Variants in RPRD2 observed in about 807,000 individuals in gnomAD.
RPRD2 encodes regulation of nuclear pre-mRNA domain containing 2.
RPRD2 carries 12 observed loss-of-function variants against 104.4 expected under a neutral mutation model. The observed-to-expected ratio is 0.11, with a 90% CI of 0.07 to 0.19. RPRD2 has a LOEUF of 0.19. Ranked by LOEUF, RPRD2 falls within the 10% of genes least tolerant of loss-of-function variation. RPRD2 has a pLI of 1.00. For synonymous variants in RPRD2, 714 were observed against 684.9 expected (o/e 1.04, Z -0.66); for missense variants, 1,543 against 1,790.1 (o/e 0.86, Z 2.49).
In RPRD2 at chr1:150,398,447, T is replaced by C. The variant is rs587669340; in HGVS notation, c.206-19149T>C. Among the ~76,000 whole-genome samples the C allele has an allele frequency of 5.6e-4, 85 of 151,982 alleles. 1 individual carries two copies. In the South Asian group the frequency reaches 7.9e-3, roughly 14 times the overall value. On this transcript the variant is annotated intron_variant, in intron 1 of 10. Transcript: ENST00000369068. ...TCCTGACCTCGTGATCTGCCCACCT[T>C]GGCCTCCCAAAGTGCTGGGATTACA... is the stretch of plus-strand genomic sequence containing the variant.
At chr1:150,441,992 C>A (rs1374762064) in intron 4 of RPRD2, 34 bp downstream of exon 4, 1 of 1,491,698 alleles carries the variant, frequency 6.7e-7, no homozygotes, top group Non-Finnish European at 9.3e-7. Context: ...TATAAAATTA[C>A]CTCCTCTTTT....
At chr1:150,453,372 C>G (rs1398328064) in intron 7 of RPRD2, among the ~76,000 whole-genome samples, 5 of 152,138 alleles carry the variant, frequency 3.3e-5, no homozygotes, top group African/African-American at 4.8e-5. Flanking sequence ...TCTCCCAGCA[C>G]TTCCATCTCT....
At chr1:150,446,157 A>G (rs1260798332) in intron 6 of RPRD2, 69 bp from the exon 7 acceptor site, 20 of 1,169,190 alleles carry the variant, frequency 1.7e-5, no homozygotes, top group Non-Finnish European at 2.4e-5. Flanking sequence ...GTTTTCTTCA[A>G]AAGTCAAAAG....
intron 2 of RPRD2, among the ~76,000 whole-genome samples, chr1:150,436,328 A>G (rs1046996445): frequency 2.0e-5 from 3 of 152,206 alleles, no homozygotes; most frequent in Non-Finnish European, 2.9e-5. Flanking sequence ...CCGGCCGGGC[A>G]TGGTGGCTCA....
rs377383557 is a variant in RPRD2, at chr1:150,450,166, AT to A, written c.870+3767del. ...TTTATTCATCTTTTTAAATCTCACC[AT>A]TATGAAAGATCTTAAGTCCAGTATG... On this transcript the variant is annotated intron_variant, in intron 7 of 10. Transcript: ENST00000369068. Among the ~76,000 whole-genome samples the A allele has an allele frequency of 5.5e-4, 84 of 152,292 alleles. 1 individual carries two copies. The highest frequency in any genetic ancestry group is 1.9e-3 in the African/African-American group (81 of 41,546).
At chr1:150,416,790 T>A (rs587760159) in intron 1 of RPRD2, among the ~76,000 whole-genome samples, 1 of 147,312 alleles carries the variant, frequency 6.8e-6, no homozygotes, top group South Asian at 2.2e-4. Context: ...GAGAATTGCT[T>A]GAGCCCAGGA....
In RPRD2 at chr1:150,364,691, G is replaced by T; in HGVS notation, c.-24G>T. On this transcript the variant is annotated 5_prime_UTR_variant, in exon 1 of 11. Coordinates refer to ENST00000369068, the MANE Select transcript of RPRD2 (RefSeq NM_015203.5). ...CGCCGCCGCCGCCGCCAGAGGAGCA[G>T]CAGCGCTTGTGCAAACCGGGAAGAT... 6.9e-7 allele frequency: 1 copy of T among 1,453,032 alleles called. No individual in the cohort carries two copies. Among genetic ancestry groups the T allele is most frequent in the African/African-American group, 1.4e-5 (1 of 70,360 alleles). The allele number at this position is 1,453,032 out of a possible 1,614,324, so 90.0% of individuals were successfully genotyped here.
At position 150,431,473 on chromosome 1, in the gene RPRD2, A is replaced by ATTTTTTTTTTTTTT. The variant is rs1160491386; in HGVS notation, c.336-9439_336-9426dup. Among the ~76,000 whole-genome samples, 36 of 78,842 alleles carry ATTTTTTTTTTTTTT rather than the reference A, an allele frequency of 4.6e-4. 4 individuals are homozygous for ATTTTTTTTTTTTTT. The highest frequency in any genetic ancestry group is 9.9e-4 in the African/African-American group (22 of 22,326). The allele number at this position is 78,842 out of a possible 152,430, so 51.7% of individuals were successfully genotyped here. On this transcript the variant is annotated intron_variant, in intron 2 of 10. Coordinates refer to ENST00000369068, the MANE Select transcript of RPRD2 (RefSeq NM_015203.5). ...TATTATTCAGTCTTAAAAAGGAAGG[A>ATTTTTTTTTTTTTT]TTTTTTTTTTTTTTTTTTTTTTTTG...
At chr1:150,466,758 T>C (rs191457437) in intron 10 of RPRD2, among the ~76,000 whole-genome samples, 2 of 152,278 alleles carry the variant, frequency 1.3e-5, no homozygotes, top group East Asian at 3.9e-4. Flanking sequence ...GTTTCTAACC[T>C]TTTTTCATAA....
Position 150,472,806 on chromosome 1 carries a change from T to G in RPRD2, c.3858T>G (p.Gly1286=). 6.2e-7 allele frequency: 1 copy of G among 1,609,372 alleles called. No homozygotes were observed. Among genetic ancestry groups the G allele is most frequent in the Non-Finnish European group, 8.5e-7 (1 of 1,176,810 alleles). The change falls in exon 11 of 11, where the codon GGT becomes GGG. Residue 1286 remains glycine (G), a synonymous_variant. Transcript: ENST00000369068. ...AACATAGCAGCAGTGGTGGGAGTGG[T>G]GTCCCCTTTTCTACTCCACCCCCTC... is the stretch of plus-strand genomic sequence containing the variant. ...PGEHSSSGGS[G]VPFSTPPPPP... is the part of the protein sequence containing the mutation.
intron 1 of RPRD2, among the ~76,000 whole-genome samples, chr1:150,393,061 TAGAG>T (rs1487227083): frequency 6.6e-6 from 1 of 152,150 alleles, no homozygotes; most frequent in Non-Finnish European, 1.5e-5. Flanking sequence ...TGTGGCTATA[TAGAG>T]AGACATATCT....
chr1:150,389,432 T>C (rs1266928491), intron 1 of RPRD2, among the ~76,000 whole-genome samples: 7 of 152,160 alleles, frequency 4.6e-5, no homozygotes, highest in Non-Finnish European at 1.0e-4. Flanking sequence ...TTTGTGGTTG[T>C]TTTTTGTTTT....
intron 9 of RPRD2, among the ~76,000 whole-genome samples, chr1:150,462,961 C>T (rs781848810): frequency 1.2e-4 from 19 of 152,122 alleles, no homozygotes; most frequent in Non-Finnish European, 1.9e-4. Context: ...TCAAGTGATC[C>T]TCCCACCTGA....
At chr1:150,424,946 C>A (rs1665015186) in intron 2 of RPRD2, among the ~76,000 whole-genome samples, 1 of 152,034 alleles carries the variant, frequency 6.6e-6, no homozygotes, top group African/African-American at 2.4e-5. Flanking sequence ...TAACTAGTTT[C>A]CCGGTTTGTG....
At chr1:150,409,701 T>G (rs1400767217) in intron 1 of RPRD2, among the ~76,000 whole-genome samples, 6 of 141,014 alleles carry the variant, frequency 4.3e-5, no homozygotes, top group Non-Finnish European at 9.1e-5. Flanking sequence ...CAGGCTGAAG[T>G]GCAGTGGCGC....
intron 1 of RPRD2, among the ~76,000 whole-genome samples, chr1:150,376,117 A>C (rs1409517352): frequency 6.6e-6 from 1 of 152,334 alleles, no homozygotes; most frequent in Admixed American, 6.5e-5. Flanking sequence ...AAAATGCTTC[A>C]TTCTTATTCT....
At chr1:150,418,652 G>T (rs2102280527) in intron 2 of RPRD2, among the ~76,000 whole-genome samples, 1 of 152,252 alleles carries the variant, frequency 6.6e-6, no homozygotes, top group East Asian at 1.9e-4. Flanking sequence ...CTTTCCTGAA[G>T]ATTCAAAGTT....
intron 4 of RPRD2, among the ~76,000 whole-genome samples, chr1:150,442,995 C>G (rs587697544): frequency 5.9e-5 from 9 of 151,964 alleles, no homozygotes; most frequent in African/African-American, 2.2e-4. Flanking sequence ...ACTTTATGAC[C>G]TGAAGGGTCT....
intron 1 of RPRD2, among the ~76,000 whole-genome samples, chr1:150,366,348 A>G (rs1437469140): frequency 6.6e-6 from 1 of 152,220 alleles, no homozygotes; most frequent in African/African-American, 2.4e-5. Flanking sequence ...GCTTCGAACT[A>G]TTTGTGTTTA....
Sources: allele counts gnomAD v4.1 joint callset (sites outside exome capture counted in the v4.1 genomes callset), GRCh38; gene constraint gnomAD v4.1.1; transcripts MANE v1.5; gene names NCBI Gene and HGNC (gene_info 2026-07-23, HGNC 2026-07-21).